PRTG: variants seen among roughly 807,000 people sequenced by gnomAD.
The protein encoded by PRTG is protogenin.
Under a neutral mutation model 122.5 loss-of-function variants are expected in PRTG, and 67 were observed. That is an observed-to-expected ratio of 0.55 (90% confidence interval 0.45 to 0.67). The LOEUF (loss-of-function observed/expected upper bound fraction) is 0.67, where lower values mean the gene tolerates loss of function less well. Among genes scored for constraint, PRTG ranks in the 30% least tolerant of loss-of-function variants. The pLI is 0.00. For synonymous variants in PRTG, 554 were observed against 501.1 expected (o/e 1.11, Z -1.41); for missense variants, 1,435 against 1,415.4 (o/e 1.01, Z -0.22).
intron 4 of PRTG, 47 bp from the exon 5 acceptor site, chr15:55,680,675 TATA>T (rs1308534205): frequency 4.0e-6 from 5 of 1,261,604 alleles, no homozygotes; most frequent in African/African-American, 1.6e-5. Flanking sequence ...ATAAATAAGA[TATA>T]ATAAGTGAAA....
chr15:55,660,864 A>T (rs2059405926), intron 11 of PRTG, among the ~76,000 whole-genome samples: 1 of 152,246 alleles, frequency 6.6e-6, no homozygotes, highest in Non-Finnish European at 1.5e-5. Context: ...GCTATTAAGT[A>T]TTAAATAGAT....
chr15:55,670,516 G>T (rs182491430), intron 11 of PRTG, among the ~76,000 whole-genome samples: 126 of 152,274 alleles, frequency 8.3e-4, no homozygotes, highest in African/African-American at 2.8e-3. Flanking sequence ...AATGTTGCTG[G>T]CTTCAGTGGC....
At chr15:55,686,739 T>C (rs1332722726) in intron 2 of PRTG, among the ~76,000 whole-genome samples, 1 of 152,204 alleles carries the variant, frequency 6.6e-6, no homozygotes. Context: ...TACAATGATG[T>C]TTCACTAACA....
Position 55,616,550 on chromosome 15 carries a change from T to A in PRTG, c.*3462A>T, listed in dbSNP as rs550659609. On this transcript the variant is annotated 3_prime_UTR_variant, in exon 20 of 20. Coordinates refer to ENST00000389286, the MANE Select transcript of PRTG (RefSeq NM_173814.6). The stretch of plus-strand genomic sequence containing the variant: ...AGTATCACATCATTTGGCAAAAACA[T>A]CATGTGGCTGAATCACAGATTAAAT... 5 of 152,158 alleles carry A rather than the reference T, an allele frequency of 3.3e-5. No individual in the cohort carries two copies. The highest frequency in any genetic ancestry group is 7.4e-5 in the Non-Finnish European group (5 of 67,994). The allele number at this position is 152,158 out of a possible 1,614,324, so 9.4% of individuals were successfully genotyped here.
At chr15:55,665,480 T>G (rs2059434142) in intron 11 of PRTG, among the ~76,000 whole-genome samples, 1 of 151,328 alleles carries the variant, frequency 6.6e-6, no homozygotes, top group Non-Finnish European at 1.5e-5. Flanking sequence ...GCTCTTGATA[T>G]ACCTGTCAGC....
At chr15:55,654,291 G>A (rs904111719) in intron 11 of PRTG, among the ~76,000 whole-genome samples, 1 of 152,166 alleles carries the variant, frequency 6.6e-6, no homozygotes. Flanking sequence ...CACTTCAAAA[G>A]GACAGTGGCT....
chr15:55,733,343 T>A (rs369488970), intron 2 of PRTG, among the ~76,000 whole-genome samples: 10 of 150,770 alleles, frequency 6.6e-5, no homozygotes, highest in East Asian at 2.0e-4. Flanking sequence ...AAACCCTGTC[T>A]CTACTAAAAA....
chr15:55,655,853 C>T (rs983127680), intron 11 of PRTG: 1 of 152,144 alleles, frequency 6.6e-6, no homozygotes, highest in African/African-American at 2.4e-5. Context: ...CATTGTAAAA[C>T]CATTATCTAA....
intron 2 of PRTG, among the ~76,000 whole-genome samples, chr15:55,738,031 C>CAT (rs2031485066): frequency 5.6e-5 from 7 of 125,798 alleles, no homozygotes; most frequent in Non-Finnish European, 1.0e-4. Flanking sequence ...TATATACACA[C>CAT]ACACACACAC....
intron 2 of PRTG, among the ~76,000 whole-genome samples, chr15:55,727,775 G>A (rs1170143144): frequency 4.6e-5 from 7 of 152,226 alleles, no homozygotes; most frequent in Non-Finnish European, 4.4e-5. Flanking sequence ...CAGCCTTGGC[G>A]ACAGAGCGAG....
In PRTG at chr15:55,635,451, G is replaced by A. The variant is rs7163734; in HGVS notation, c.2623+1719C>T. On this transcript the variant is annotated intron_variant, in intron 15 of 19. Coordinates refer to ENST00000389286, the MANE Select transcript of PRTG (RefSeq NM_173814.6). ...AAAACTGTAATATGGCTGCAGCCTC[G>A]TGAGAGACCAACAGAACTGCCAAGC... Among the ~76,000 whole-genome samples, 757 of 152,250 alleles carry A rather than the reference G, an allele frequency of 5.0e-3. 5 individuals are homozygous for A. The highest frequency in any genetic ancestry group is 0.017 in the African/African-American group (714 of 41,530).
Position 55,673,354 on chromosome 15 carries a change from A to G in PRTG, c.1852+17T>C. The G allele has an allele frequency of 6.4e-7, 1 of 1,571,594 alleles. No individual in the cohort carries two copies. On this transcript the variant is annotated intron_variant, in intron 10 of 19. Coordinates refer to ENST00000389286, the MANE Select transcript of PRTG (RefSeq NM_173814.6). ...AGTAAAAATACTGTATTTTCTTAAC[A>G]GTCTTCAGAAATTCACCTTTCACGC...
intron 4 of PRTG, 123 bp downstream of exon 4, chr15:55,682,241 C>A: frequency 1.2e-6 from 1 of 833,710 alleles, no homozygotes; most frequent in Non-Finnish European, 1.6e-6. Flanking sequence ...GACCATTTTC[C>A]AAATAGATTA....
At chr15:55,694,875 T>C (rs2059623580) in intron 2 of PRTG, among the ~76,000 whole-genome samples, 1 of 152,200 alleles carries the variant, frequency 6.6e-6, no homozygotes, top group Non-Finnish European at 1.5e-5. Context: ...ACAGCCTCCT[T>C]GTGAAACCTG....
At chr15:55,692,828 G>A (rs557402073) in intron 2 of PRTG, among the ~76,000 whole-genome samples, 163 of 139,296 alleles carry the variant, frequency 1.2e-3, no homozygotes, top group Non-Finnish European at 2.1e-3. Flanking sequence ...CAATTTTAAT[G>A]CAATCTCTTT....
chr15:55,638,752 T>C (rs749756035), intron 13 of PRTG, 76 bp from the exon 14 acceptor site: 4 of 1,301,058 alleles, frequency 3.1e-6, no homozygotes, highest in African/African-American at 1.5e-5. Context: ...CATTTCCAAA[T>C]AGGTAAGGGC....
chr15:55,645,920 G>A (rs2059319956), intron 11 of PRTG, among the ~76,000 whole-genome samples: 1 of 152,178 alleles, frequency 6.6e-6, no homozygotes. Context: ...AAGGGAAGGA[G>A]GAGAAAGGGA....
chr15:55,725,039 T>C (rs2030974676), intron 2 of PRTG, among the ~76,000 whole-genome samples: 1 of 152,232 alleles, frequency 6.6e-6, no homozygotes, highest in Non-Finnish European at 1.5e-5. Context: ...TATTGTATTT[T>C]TGGTTTGTAC....
At chr15:55,661,980 C>T (rs1429499426) in intron 11 of PRTG, among the ~76,000 whole-genome samples, 1 of 151,826 alleles carries the variant, frequency 6.6e-6, no homozygotes, top group East Asian at 1.9e-4. Context: ...TTCACAGAGC[C>T]CTCCATGTTT....
Sources: allele counts gnomAD v4.1 joint callset (sites outside exome capture counted in the v4.1 genomes callset), GRCh38; gene constraint gnomAD v4.1.1; transcripts MANE v1.5; gene names NCBI Gene and HGNC (gene_info 2026-07-23, HGNC 2026-07-21).